BABAM2: variants seen among roughly 807,000 people sequenced by gnomAD.
The protein encoded by BABAM2 is BRISC and BRCA1-A complex member 2.
Under a neutral mutation model 54.7 loss-of-function variants are expected in BABAM2, and 31 were observed. That is an observed-to-expected ratio of 0.57 (90% CI 0.43 to 0.77). BABAM2 has a LOEUF of 0.77. Ranked by LOEUF, BABAM2 falls within the 30% of genes least tolerant of loss-of-function variation. The pLI is 0.00. For synonymous variants in BABAM2, 167 were observed against 162.9 expected (o/e 1.03, Z -0.19); for missense variants, 364 against 455.8 (o/e 0.80, Z 1.83).
intron 7 of BABAM2, among the ~76,000 whole-genome samples, chr2:28,200,635 A>G (rs778840710): frequency 6.6e-6 from 1 of 152,232 alleles, no homozygotes; most frequent in Non-Finnish European, 1.5e-5. Context: ...GAAACAGCCA[A>G]TCAGATTCAA....
At chr2:28,262,954 TG>T (rs1377709710) in intron 10 of BABAM2, among the ~76,000 whole-genome samples, 3 of 152,106 alleles carry the variant, frequency 2.0e-5, no homozygotes, top group Non-Finnish European at 2.9e-5. Context: ...ATTCCTGAGA[TG>T]GCCCGACCTA....
At chr2:27,890,452 A>T (rs972111302), upstream of BABAM2, 1 of 1,113,062 alleles carries the variant, frequency 9.0e-7, no homozygotes, top group South Asian at 1.4e-5. The surrounding 1 kb of genome is among the most constrained non-coding windows in gnomAD (Gnocchi z 4.8). Flanking sequence ...GGCCTTTCAG[A>T]CGCCTACGCG....
At chr2:28,181,570 C>A (rs571484140) in intron 7 of BABAM2, among the ~76,000 whole-genome samples, 1 of 152,040 alleles carries the variant, frequency 6.6e-6, no homozygotes, top group East Asian at 1.9e-4. Context: ...TAAAATGTCC[C>A]AGTACATAGA....
intron 3 of BABAM2, among the ~76,000 whole-genome samples, chr2:27,960,912 A>G (rs974072977): frequency 2.6e-5 from 4 of 152,234 alleles, no homozygotes; most frequent in African/African-American, 9.6e-5. Flanking sequence ...ATGATGAGAA[A>G]TAAGGATAAG....
chr2:27,922,354 A>G (rs1292713245), intron 2 of BABAM2, among the ~76,000 whole-genome samples: 3 of 152,224 alleles, frequency 2.0e-5, no homozygotes, highest in Non-Finnish European at 4.4e-5. Flanking sequence ...AAATAGACAA[A>G]TAATACTGGG....
At chr2:27,894,391 T>C (rs572666169) in intron 1 of BABAM2, 142 bp from the exon 2 acceptor site, 16 of 804,126 alleles carry the variant, frequency 2.0e-5, no homozygotes, top group African/African-American at 1.7e-4. Context: ...TGGAGGATCA[T>C]TGGAAGAGGC....
At chr2:28,223,221 C>T (rs1680572753) in intron 7 of BABAM2, among the ~76,000 whole-genome samples, 1 of 152,160 alleles carries the variant, frequency 6.6e-6, no homozygotes, top group African/African-American at 2.4e-5. Context: ...TTTGTTAAAA[C>T]ACTAACCACA....
At chr2:28,223,296 CTGGTT>C (rs1389617039) in intron 7 of BABAM2, among the ~76,000 whole-genome samples, 1 of 152,220 alleles carries the variant, frequency 6.6e-6, no homozygotes, top group African/African-American at 2.4e-5. Context: ...TGCTTTCCAG[CTGGTT>C]TGGGGAGCAC....
At chr2:28,252,224 G>A (rs1462808406) in intron 10 of BABAM2, among the ~76,000 whole-genome samples, 2 of 146,846 alleles carry the variant, frequency 1.4e-5, no homozygotes, top group African/African-American at 2.6e-5. Flanking sequence ...AAAGCAACAG[G>A]AATGAAAATT....
intron 11 of BABAM2, among the ~76,000 whole-genome samples, chr2:28,301,997 T>C (rs1422770890): frequency 1.3e-5 from 2 of 152,366 alleles, no homozygotes; most frequent in East Asian, 3.9e-4. Context: ...GCAACTATTG[T>C]TCTGTATCAC....
chr2:28,332,415 C>G (rs1691039571), intron 11 of BABAM2, among the ~76,000 whole-genome samples: 1 of 152,166 alleles, frequency 6.6e-6, no homozygotes, highest in Non-Finnish European at 1.5e-5. Context: ...CAGACCATAA[C>G]TGGGTGGTCA....
chr2:28,156,802 A>T (rs1281228556), intron 7 of BABAM2, among the ~76,000 whole-genome samples: 1 of 152,162 alleles, frequency 6.6e-6, no homozygotes, highest in Non-Finnish European at 1.5e-5. Flanking sequence ...TTGAAAAAAA[A>T]TTGCCTTTTT....
Position 28,040,294 on chromosome 2 carries a change from C to CTTTTTTTTTTTTTTTTTTTT in BABAM2, c.496-5426_496-5407dup, listed in dbSNP as rs397735161. On this transcript the variant is annotated intron_variant, in intron 5 of 11. Transcript: ENST00000379624. ...CAGTGCCAGAATGAAAAACTGAATT[C>CTTTTTTTTTTTTTTTTTTTT]TTTTTTTTTTTTTTTTTTTTTTTTG... is the stretch of plus-strand genomic sequence containing the variant. Among the ~76,000 whole-genome samples the CTTTTTTTTTTTTTTTTTTTT allele has an allele frequency of 3.2e-3, 189 of 59,486 alleles. 40 individuals carry two copies. The highest frequency in any genetic ancestry group is 0.026 in the Middle Eastern group (2 of 78). The allele number at this position is 59,486 out of a possible 152,430, so 39.0% of individuals were successfully genotyped here.
chr2:27,995,511 C>T lies in BABAM2; in HGVS notation c.300+7424C>T, dbSNP rs1673077262. Among the ~76,000 whole-genome samples, 1 of 152,114 alleles carries T rather than the reference C, an allele frequency of 6.6e-6. No homozygotes were observed. The highest frequency in any genetic ancestry group is 6.5e-5 in the Admixed American group (1 of 15,270). On this transcript the variant is annotated intron_variant, in intron 4 of 11. Transcript: ENST00000379624. This position sits in a 1 kb window ranked among gnomAD's most constrained non-coding sequence, Gnocchi z 4.1. ...GGCAATAAATGAATGAATAGCACAA[C>T]TAGATAATGGCAAACTTATCTTCCA...
intron 7 of BABAM2, among the ~76,000 whole-genome samples, chr2:28,196,047 G>A (rs945681008): frequency 6.6e-6 from 1 of 152,152 alleles, no homozygotes; most frequent in Non-Finnish European, 1.5e-5. Context: ...AGAATTTTTG[G>A]CTGGGCGTGG....
At chr2:28,186,037 G>A (rs1004500075) in intron 7 of BABAM2, among the ~76,000 whole-genome samples, 14 of 152,134 alleles carry the variant, frequency 9.2e-5, no homozygotes, top group African/African-American at 3.4e-4. Flanking sequence ...GGAATGTTAA[G>A]GAATGAAGCA....
intron 6 of BABAM2, among the ~76,000 whole-genome samples, chr2:28,116,129 G>A (rs1346037863): frequency 6.6e-6 from 1 of 151,154 alleles, no homozygotes; most frequent in African/African-American, 2.4e-5. Context: ...AAAAAAAAAA[G>A]AAATTGGGAA....
chr2:28,315,268 C>G (rs962775052), intron 11 of BABAM2, among the ~76,000 whole-genome samples: 1 of 151,912 alleles, frequency 6.6e-6, no homozygotes, highest in African/African-American at 2.4e-5. Context: ...TTTTAAATCT[C>G]TGTGGGCCTT....
At chr2:28,295,501 GC>G (rs1375275026) in intron 10 of BABAM2, among the ~76,000 whole-genome samples, 2 of 151,728 alleles carry the variant, frequency 1.3e-5, no homozygotes, top group Non-Finnish European at 2.9e-5. Flanking sequence ...ATGTGAATAG[GC>G]TTTTTTTTTT....
Sources: gnomAD v4.1 joint callset for allele counts (sites outside exome capture counted in the v4.1 genomes callset) on GRCh38, gnomAD v4.1.1 for gene constraint, Gnocchi (gnomAD v3.1) non-coding constraint, MANE v1.5 for transcripts, NCBI Gene and HGNC (gene_info 2026-07-23, HGNC 2026-07-21) for gene names.